ARL8B: variants seen among roughly 807,000 people sequenced by gnomAD.
ARL8B encodes the protein ADP-ribosylation factor-like protein 8B.
In ARL8B, 9 loss-of-function variants were observed where a neutral mutation model predicts 30.6. The ratio of observed to expected loss-of-function variants is 0.29; its 90% confidence interval spans 0.18 to 0.51. The LOEUF is 0.51. Ranked by LOEUF, ARL8B falls within the 20% of genes least tolerant of loss-of-function variation. The pLI, the probability that ARL8B is intolerant of heterozygous loss-of-function variation, is 0.97. For synonymous variants in ARL8B, 74 were observed against 76.0 expected, an observed-to-expected ratio of 0.97 and a Z score of 0.14; for missense variants, 130 against 227.2, an observed-to-expected ratio of 0.57 and a Z score of 2.75.
intron 1 of ARL8B, among the ~76,000 whole-genome samples, chr3:5,132,230 A>T (rs185265739): frequency 1.3e-5 from 2 of 151,754 alleles, no homozygotes; most frequent in East Asian, 3.9e-4. Context: ...CTAAGTTAGG[A>T]TTGATCATAT....
intron 1 of ARL8B, among the ~76,000 whole-genome samples, chr3:5,128,128 A>G (rs2054248656): frequency 7.0e-6 from 1 of 143,868 alleles, no homozygotes; most frequent in Admixed American, 7.4e-5. Flanking sequence ...GAGCGACTGC[A>G]CTCCAGCCTG....
intron 1 of ARL8B, among the ~76,000 whole-genome samples, chr3:5,142,170 T>C (rs779488321): frequency 6.6e-6 from 1 of 152,160 alleles, no homozygotes; most frequent in Non-Finnish European, 1.5e-5. Flanking sequence ...GAGGTTCCTT[T>C]TCCCATAGTA....
At chr3:5,169,736 T>G (rs1271165370) in intron 1 of ARL8B, among the ~76,000 whole-genome samples, 2 of 152,338 alleles carry the variant, frequency 1.3e-5, no homozygotes, top group Non-Finnish European at 2.9e-5. Flanking sequence ...ATAGAATGAC[T>G]AGATTTTCAC....
intron 1 of ARL8B, among the ~76,000 whole-genome samples, chr3:5,138,918 G>A (rs1164982039): frequency 1.3e-5 from 2 of 152,150 alleles, no homozygotes; most frequent in Non-Finnish European, 2.9e-5. Context: ...GCAGTGTGGA[G>A]GAGCCGGTGA....
chr3:5,170,730 GTTTTTTTGTTT>G (rs1313130754), intron 2 of ARL8B, 147 bp downstream of exon 2: 2 of 547,516 alleles, frequency 3.7e-6, no homozygotes, highest in Non-Finnish European at 3.1e-6. Context: ...TTTTGTTGTT[GTTTTTTTGTTT>G]TTTTTTTGGA....
chr3:5,167,723 G>C (rs1371682081), intron 1 of ARL8B, among the ~76,000 whole-genome samples: 2 of 152,218 alleles, frequency 1.3e-5, no homozygotes, highest in Non-Finnish European at 2.9e-5. Context: ...TGAATGTTAA[G>C]TGCTTAGTAT....
At chr3:5,154,136 T>A (rs965429027) in intron 1 of ARL8B, among the ~76,000 whole-genome samples, 1 of 152,178 alleles carries the variant, frequency 6.6e-6, no homozygotes, top group Non-Finnish European at 1.5e-5. Flanking sequence ...TAGTGTTTGT[T>A]GTACTTCTTG....
chr3:5,166,229 G>T (rs533778716), intron 1 of ARL8B, among the ~76,000 whole-genome samples: 1 of 152,018 alleles, frequency 6.6e-6, no homozygotes, highest in Non-Finnish European at 1.5e-5. Flanking sequence ...TAGTACAGAC[G>T]GGGTTTCACT....
At chr3:5,135,794 A>G (rs1405002303) in intron 1 of ARL8B, among the ~76,000 whole-genome samples, 2 of 100,682 alleles carry the variant, frequency 2.0e-5, no homozygotes, top group African/African-American at 9.7e-5. Flanking sequence ...TATTATTATT[A>G]TTATTATTTT....
At chr3:5,172,351 T>G in intron 3 of ARL8B, 128 bp downstream of exon 3, 1 of 805,768 alleles carries the variant, frequency 1.2e-6, no homozygotes, top group Non-Finnish European at 2.0e-6. Flanking sequence ...GCTAATATCC[T>G]AGTGTAATTC....
rs1231169399 is a variant in ARL8B, at chr3:5,179,585, T to C, written c.*872T>C. ...AAAACCTGTTAAGAATGTCAGTCTT[T>C]GTTCAAACATCTGTTTGTTCTATCT... On this transcript the variant is annotated 3_prime_UTR_variant, in exon 7 of 7. Coordinates refer to ENST00000256496, the MANE Select transcript of ARL8B (RefSeq NM_018184.3). 4 of 152,694 alleles carry C rather than the reference T, an allele frequency of 2.6e-5. No individual in the cohort carries two copies. The highest frequency in any genetic ancestry group is 9.6e-5 in the African/African-American group (4 of 41,474). The allele number at this position is 152,694 out of a possible 1,614,324, so 9.5% of individuals were successfully genotyped here. A position where few individuals can be genotyped will look rare whatever the true frequency, so the allele number is the denominator to read the frequency against.
intron 1 of ARL8B, among the ~76,000 whole-genome samples, chr3:5,147,687 CT>C (rs1252002446): frequency 1.3e-5 from 2 of 152,066 alleles, no homozygotes; most frequent in African/African-American, 4.8e-5. Flanking sequence ...CAAAGACCTT[CT>C]GAGCTTCCCT....
chr3:5,124,496 TG>T (rs1171910459), intron 1 of ARL8B, among the ~76,000 whole-genome samples: 19 of 151,894 alleles, frequency 1.3e-4, no homozygotes, highest in Non-Finnish European at 2.6e-4. Flanking sequence ...GACAGGGTCT[TG>T]AGCTTTCACC....
chr3:5,139,998 T>TG (rs2054358469), intron 1 of ARL8B, among the ~76,000 whole-genome samples: 1 of 151,292 alleles, frequency 6.6e-6, no homozygotes, highest in African/African-American at 2.4e-5. Context: ...TTTTTTTTTT[T>TG]TTTTTTGAGA....
At chr3:5,156,542 A>G (rs1245163525) in intron 1 of ARL8B, among the ~76,000 whole-genome samples, 1 of 152,038 alleles carries the variant, frequency 6.6e-6, no homozygotes, top group Non-Finnish European at 1.5e-5. Context: ...TCAGCCTCCA[A>G]GTAGCTGGGA....
At chr3:5,129,695 T>A (rs1244584700) in intron 1 of ARL8B, among the ~76,000 whole-genome samples, 1 of 152,024 alleles carries the variant, frequency 6.6e-6, no homozygotes, top group Non-Finnish European at 1.5e-5. Flanking sequence ...CACAGGCGTA[T>A]GTCACTACGC....
chr3:5,170,665 C>A, intron 2 of ARL8B, 82 bp downstream of exon 2: 2 of 1,097,524 alleles, frequency 1.8e-6, no homozygotes, highest in East Asian at 2.7e-5. Flanking sequence ...TGTGTTTTTA[C>A]TGAAAATTTG....
chr3:5,150,906 G>A (rs895100849), intron 1 of ARL8B, among the ~76,000 whole-genome samples: 6 of 152,172 alleles, frequency 3.9e-5, no homozygotes, highest in South Asian at 2.1e-4. Context: ...AGAGAGGGCC[G>A]TTTTTTCTTC....
At chr3:5,170,268 A>G (rs1355799818) in intron 1 of ARL8B, among the ~76,000 whole-genome samples, 1 of 152,258 alleles carries the variant, frequency 6.6e-6, no homozygotes, top group Non-Finnish European at 1.5e-5. Context: ...AATATGTAAA[A>G]AATTACATTA....
Sources: allele counts gnomAD v4.1 joint callset (sites outside exome capture counted in the v4.1 genomes callset), GRCh38; gene constraint gnomAD v4.1.1; transcripts MANE v1.5; gene names NCBI Gene and HGNC (gene_info 2026-07-23, HGNC 2026-07-21).